Variants in SCAMP1 observed in about 807,000 individuals in gnomAD.
The protein encoded by SCAMP1 is secretory carrier membrane protein 1, also known as secretory carrier-associated membrane protein 1.
In SCAMP1, 15 loss-of-function variants were observed where a neutral mutation model predicts 41.8. That is an observed-to-expected ratio of 0.36 (90% CI 0.24 to 0.55). The LOEUF is 0.55. Among genes scored for constraint, SCAMP1 ranks in the 20% least tolerant of loss-of-function variants. The probability of loss-of-function intolerance (pLI) is 0.86; values close to 1 mark genes in which losing one functional copy is unlikely to be tolerated. For synonymous variants in SCAMP1, 135 were observed against 136.8 expected (o/e 0.99, Z 0.09); for missense variants, 341 against 412.6 (o/e 0.83, Z 1.50).
intron 7 of SCAMP1, among the ~76,000 whole-genome samples, chr5:78,451,328 C>G (rs1218828484): frequency 1.3e-5 from 2 of 152,178 alleles, no homozygotes; most frequent in Non-Finnish European, 1.5e-5. Context: ...ACCCTTTATC[C>G]TGTTTCACCC....
At chr5:78,371,779 TC>T (rs930916842) in intron 1 of SCAMP1, among the ~76,000 whole-genome samples, 7 of 152,332 alleles carry the variant, frequency 4.6e-5, no homozygotes, top group Admixed American at 2.0e-4. Flanking sequence ...AAGAAATACT[TC>T]CATTTATTTT....
At chr5:78,406,259 A>G (rs2112119290) in intron 2 of SCAMP1, among the ~76,000 whole-genome samples, 1 of 152,338 alleles carries the variant, frequency 6.6e-6, no homozygotes, top group East Asian at 1.9e-4. Context: ...ATAGGTTCAT[A>G]GAAGGGCCCA....
intron 1 of SCAMP1, among the ~76,000 whole-genome samples, chr5:78,385,468 C>T (rs1257749587): frequency 4.6e-5 from 7 of 151,542 alleles, no homozygotes; most frequent in African/African-American, 1.7e-4. Context: ...ATCTTGGTTA[C>T]TTCTTTTCTT....
intron 1 of SCAMP1, among the ~76,000 whole-genome samples, chr5:78,379,996 A>G (rs1355827245): frequency 6.6e-6 from 1 of 152,132 alleles, no homozygotes; most frequent in African/African-American, 2.4e-5. Context: ...TAGTTTTTGG[A>G]TTACTCTTCC....
In SCAMP1 at chr5:78,480,082, G is replaced by A. The variant is rs529437068; in HGVS notation, c.*4414G>A. ...AAAAGAATTTTCATTAGTGCTGGCC[G>A]TGTTTCAAATGGCAAGGGAACATGG... On this transcript the variant is annotated 3_prime_UTR_variant, in exon 9 of 9. Transcript: ENST00000621999. Among the ~76,000 whole-genome samples, 49 of 151,916 alleles carry A rather than the reference G, an allele frequency of 3.2e-4. No individual in the cohort carries two copies. The highest frequency in any genetic ancestry group is 3.9e-4 in the East Asian group (2 of 5,190).
At chr5:78,473,149 A>T (rs1753925348) in intron 8 of SCAMP1, among the ~76,000 whole-genome samples, 1 of 152,170 alleles carries the variant, frequency 6.6e-6, no homozygotes, top group African/African-American at 2.4e-5. Flanking sequence ...GGGGAAAGGA[A>T]TCTTTGGATT....
chr5:78,409,133 A>G (rs1027890334), intron 2 of SCAMP1, among the ~76,000 whole-genome samples: 1 of 152,190 alleles, frequency 6.6e-6, no homozygotes, highest in Non-Finnish European at 1.5e-5. Flanking sequence ...CTTTGTCTCT[A>G]GTTTACTAGT....
At chr5:78,448,854 G>C (rs1251169269) in intron 6 of SCAMP1, among the ~76,000 whole-genome samples, 1 of 152,110 alleles carries the variant, frequency 6.6e-6, no homozygotes, top group Non-Finnish European at 1.5e-5. Context: ...TGCAAAATTA[G>C]CTGGGCATGG....
chr5:78,450,274 T>A (rs961109926), intron 7 of SCAMP1, among the ~76,000 whole-genome samples: 10 of 152,086 alleles, frequency 6.6e-5, no homozygotes, highest in African/African-American at 2.2e-4. Context: ...ATAAAACATG[T>A]ATGTAAGGGC....
chr5:78,385,543 CTATT>C (rs1303185527), intron 1 of SCAMP1, among the ~76,000 whole-genome samples: 2 of 152,006 alleles, frequency 1.3e-5, no homozygotes, highest in Non-Finnish European at 2.9e-5. Context: ...CTTAGATTGT[CTATT>C]TGTGCTGTTT....
chr5:78,429,247 C>G (rs1482433352), intron 6 of SCAMP1, among the ~76,000 whole-genome samples: 1 of 151,304 alleles, frequency 6.6e-6, no homozygotes, highest in East Asian at 1.9e-4. Context: ...AGAAAGCATT[C>G]ACCATTAAGG....
rs558792682 is a variant in SCAMP1 at position 78,366,130 on chromosome 5, G to A, written c.57+5402G>A. 4.0e-5 allele frequency among the ~76,000 whole-genome samples: 6 copies of A among 150,626 alleles called. No individual in the cohort carries two copies. In the South Asian group the frequency reaches 1.3e-3, roughly 31 times the overall value. ...GCAGAAGGGGATGGCAGCTCTTTGGGGCCCTTTTCTTTTCTTTTCTTTTTT... is the reference window on the plus strand; with the variant it reads ...GCAGAAGGGGATGGCAGCTCTTTGGAGCCCTTTTCTTTTCTTTTCTTTTTT... On this transcript the variant is annotated intron_variant, in intron 1 of 8. Coordinates refer to ENST00000621999, the MANE Select transcript of SCAMP1 (RefSeq NM_004866.6).
At chr5:78,404,115 CAAA>C (rs34209617) in intron 2 of SCAMP1, among the ~76,000 whole-genome samples, 1,805 of 124,532 alleles carry the variant, frequency 0.014, 20 homozygotes, top group Admixed American at 0.019. Flanking sequence ...GACCCTGTCT[CAAA>C]AAAAAAAAAA....
intron 7 of SCAMP1, among the ~76,000 whole-genome samples, chr5:78,458,405 CTTAT>C (rs1333635307): frequency 6.6e-6 from 1 of 152,090 alleles, no homozygotes; most frequent in African/African-American, 2.4e-5. Flanking sequence ...TTTTCATGTG[CTTAT>C]TTGTCGTCTT....
intron 2 of SCAMP1, among the ~76,000 whole-genome samples, chr5:78,394,070 CAT>C (rs1459874387): frequency 6.6e-6 from 1 of 152,086 alleles, no homozygotes; most frequent in Non-Finnish European, 1.5e-5. Context: ...TAGTTGATGC[CAT>C]ATATGATTTC....
chr5:78,443,184 G>A (rs889257061), intron 6 of SCAMP1, among the ~76,000 whole-genome samples: 1 of 124,700 alleles, frequency 8.0e-6, no homozygotes, highest in Non-Finnish European at 1.6e-5. Flanking sequence ...CTGCACTCCA[G>A]CCTGGGCAAC....
At chr5:78,423,527 TG>T (rs1370527541) in intron 6 of SCAMP1, among the ~76,000 whole-genome samples, 1 of 152,156 alleles carries the variant, frequency 6.6e-6, no homozygotes, top group Admixed American at 6.5e-5. Context: ...TGCTGGCTGG[TG>T]GGAGTGAGGA....
rs1188221227 is a variant in SCAMP1, at chr5:78,460,742, CTCCTTCCTTCCTTCCTTCCT to C, written c.852+1425_852+1444del. Among the ~76,000 whole-genome samples the C allele has an allele frequency of 1.1e-3, 92 of 85,008 alleles. 4 individuals are homozygous for C. Among genetic ancestry groups the C allele is most frequent in the African/African-American group, 2.1e-3 (60 of 28,706 alleles). The allele number at this position is 85,008 out of a possible 152,430, so 55.8% of individuals were successfully genotyped here. On this transcript the variant is annotated intron_variant, in intron 8 of 8. Coordinates refer to ENST00000621999, the MANE Select transcript of SCAMP1 (RefSeq NM_004866.6). ...CTCTTTCTTTCTTTTGGTTTCTTTT[CTCCTTCCTTCCTTCCTTCCT>C]TCCTTCCTTCCTTCCTTCCTTCCTT...
chr5:78,462,239 T>C (rs1753637138), intron 8 of SCAMP1, among the ~76,000 whole-genome samples: 1 of 150,654 alleles, frequency 6.6e-6, no homozygotes, highest in East Asian at 2.0e-4. Context: ...CTATTGTAAA[T>C]GGGATTGGGT....
Sources: gnomAD v4.1 joint callset for allele counts (sites outside exome capture counted in the v4.1 genomes callset) on GRCh38, gnomAD v4.1.1 for gene constraint, MANE v1.5 for transcripts, NCBI Gene and HGNC (gene_info 2026-07-23, HGNC 2026-07-21) for gene names.